VPS33A: variants seen among roughly 807,000 people sequenced by gnomAD.
VPS33A encodes the protein VPS33A core subunit of CORVET and HOPS complexes.
VPS33A carries 32 observed loss-of-function variants against 71.8 expected under a neutral mutation model. The observed-to-expected ratio is 0.45, with a 90% CI of 0.34 to 0.60. VPS33A has a LOEUF of 0.60. Among genes scored for constraint, VPS33A ranks in the 20% least tolerant of loss-of-function variants. The pLI is 0.02. For missense variants in VPS33A, 625 were observed against 748.5 expected, an observed-to-expected ratio of 0.84 and a Z score of 1.92; for synonymous variants, 311 against 292.7, an observed-to-expected ratio of 1.06 and a Z score of -0.64.
At chr12:122,263,848 A>C (rs997354996) in intron 2 of VPS33A, 149 bp from the exon 3 acceptor site, 8 of 1,041,928 alleles carry the variant, frequency 7.7e-6, no homozygotes, top group Non-Finnish European at 1.1e-5. Context: ...TACATAAAGG[A>C]CAAAGTTTCA....
At chr12:122,252,075 T>C (rs1047370821) in intron 4 of VPS33A, among the ~76,000 whole-genome samples, 2 of 151,716 alleles carry the variant, frequency 1.3e-5, no homozygotes, top group African/African-American at 4.8e-5. Context: ...CTGGGCAACA[T>C]AGTGAGACCC....
At chr12:122,262,842 G>T (rs867174017) in intron 3 of VPS33A, among the ~76,000 whole-genome samples, 26 of 151,826 alleles carry the variant, frequency 1.7e-4, no homozygotes, top group African/African-American at 5.3e-4. Flanking sequence ...TTTAATTTTT[G>T]GGGGGTACAT....
At position 122,232,849 on chromosome 12, in the gene VPS33A, C is replaced by T. The variant is rs1954581494; in HGVS notation, c.1560G>A (p.Gly520=). 6.2e-7 allele frequency: 1 copy of T among 1,614,032 alleles called. No individual in the cohort carries two copies. Among genetic ancestry groups the T allele is most frequent in the South Asian group, 1.1e-5 (1 of 91,086 alleles). ...SIEEVLRILP[G]PHFEERQPLP... ...GTGGCTGCCGCTCCTCAAAGTGGGG[C>T]CCTGGGAGGATGCGGAGGACCTCCT... The change falls in exon 12 of 13, where the codon GGG becomes GGA. Residue 520 remains glycine, a synonymous_variant. Coordinates refer to ENST00000267199, the MANE Select transcript of VPS33A (RefSeq NM_022916.6).
At chr12:122,254,323 A>T (rs1417100593) in intron 4 of VPS33A, among the ~76,000 whole-genome samples, 2 of 152,018 alleles carry the variant, frequency 1.3e-5, no homozygotes, top group Non-Finnish European at 2.9e-5. Flanking sequence ...CTTAGGTCGA[A>T]GCTCTTAGCT....
intron 8 of VPS33A, 146 bp downstream of exon 8, chr12:122,242,236 A>G: frequency 9.9e-7 from 1 of 1,010,848 alleles, no homozygotes; most frequent in Non-Finnish European, 1.4e-6. Flanking sequence ...TAACATATGT[A>G]TACTTCATTA....
intron 1 of VPS33A, chr12:122,265,831 T>C (rs952773192): frequency 2.5e-6 from 1 of 399,668 alleles, no homozygotes; most frequent in African/African-American, 2.1e-5. Context: ...GAAGTTATAC[T>C]GTTTTAGGAG....
intron 4 of VPS33A, among the ~76,000 whole-genome samples, chr12:122,259,979 G>A (rs557092282): frequency 1.2e-4 from 18 of 152,120 alleles, no homozygotes; most frequent in Admixed American, 2.0e-4. Context: ...GGAGGTCAAG[G>A]CTGCAGTGAG....
intron 4 of VPS33A, among the ~76,000 whole-genome samples, chr12:122,252,292 G>GAGGT (rs1322157881): frequency 6.6e-6 from 1 of 150,926 alleles, no homozygotes; most frequent in African/African-American, 2.4e-5. Context: ...TTTTTGAGAT[G>GAGGT]GAGTCTCGCT....
chr12:122,233,311 C>G (rs1227752417), intron 11 of VPS33A, among the ~76,000 whole-genome samples: 1 of 151,986 alleles, frequency 6.6e-6, no homozygotes, highest in African/African-American at 2.4e-5. Context: ...CTGCAACCTC[C>G]GCCTCCCTAG....
At chr12:122,249,455 C>T (rs938528433) in intron 6 of VPS33A, 3 of 153,354 alleles carry the variant, frequency 2.0e-5, no homozygotes, top group African/African-American at 7.2e-5. Flanking sequence ...GAACACCTGA[C>T]CTCAAGTGAT....
At chr12:122,235,684 T>G (rs1477594027) in intron 11 of VPS33A, 102 bp downstream of exon 11, 10 of 1,435,354 alleles carry the variant, frequency 7.0e-6, no homozygotes, top group Non-Finnish European at 8.4e-6. Context: ...AGAAAATTGT[T>G]TTCAGAAAGC....
chr12:122,231,673 C>T lies in VPS33A; in HGVS notation c.*573G>A, dbSNP rs531462574. ...TACCCCCACCATCCTTAATGTATTT[C>T]CAGAGGTCTCTAATGAAGACCCTGA... On this transcript the variant is annotated 3_prime_UTR_variant, in exon 13 of 13. Transcript: ENST00000267199. 1 of 154,692 alleles carries T rather than the reference C, an allele frequency of 6.5e-6. No homozygotes were observed. Among genetic ancestry groups the T allele is most frequent in the South Asian group, 2.1e-4 (1 of 4,840 alleles). 9.6% of individuals were successfully genotyped at this position (154,692 alleles called of 1,614,324 possible).
chr12:122,253,303 C>T (rs1954869295), intron 4 of VPS33A: 1 of 152,100 alleles, frequency 6.6e-6, no homozygotes, highest in African/African-American at 2.4e-5. Flanking sequence ...GCCTGTAATC[C>T]CAGCACTTTG....
At chr12:122,264,073 A>T in intron 2 of VPS33A, 61 bp downstream of exon 2, 2 of 1,365,406 alleles carry the variant, frequency 1.5e-6, no homozygotes, top group Non-Finnish European at 2.0e-6. Flanking sequence ...ATAAAATCCT[A>T]TTGTAACTGC....
intron 7 of VPS33A, 152 bp from the exon 8 acceptor site, chr12:122,242,660 C>G: frequency 1.0e-6 from 1 of 1,002,018 alleles, no homozygotes; most frequent in Non-Finnish European, 1.4e-6. Flanking sequence ...TCAAGTGATT[C>G]TCATGCCTCA....
Position 122,251,114 on chromosome 12 carries a change from G to T in VPS33A, c.484-15C>A. Reference sequence around the variant, plus strand: ...AGGTAGCACTCCTGTGAGGGAAAAGGCCAATTATTGCCAGGCCATGGGGGC... The same window carrying T: ...AGGTAGCACTCCTGTGAGGGAAAAGTCCAATTATTGCCAGGCCATGGGGGC... On this transcript the variant is annotated splice_polypyrimidine_tract_variant and intron_variant, in intron 4 of 12. Transcript: ENST00000267199. 1 of 1,592,644 alleles carries T rather than the reference G, an allele frequency of 6.3e-7. No homozygotes were observed. The highest frequency in any genetic ancestry group is 8.6e-7 in the Non-Finnish European group (1 of 1,161,382).
At chr12:122,254,240 T>G (rs1954884549) in intron 4 of VPS33A, among the ~76,000 whole-genome samples, 1 of 152,098 alleles carries the variant, frequency 6.6e-6, no homozygotes, top group Non-Finnish European at 1.5e-5. Context: ...TAGATGTACC[T>G]CCTGAAGCCA....
At position 122,235,855 on chromosome 12, in the gene VPS33A, C is replaced by G; in HGVS notation, c.1371G>C (p.Thr457=). The part of the protein sequence containing the change: ...LEKAGLLKPQ[T]GGRNNYPTIR... ...TAGTTGGGTAATTGTTTCTGCCCCCCGTCTGCGGTTTCAGCAGGCCGGCCT... is the reference window on the plus strand; with the variant it reads ...TAGTTGGGTAATTGTTTCTGCCCCCGGTCTGCGGTTTCAGCAGGCCGGCCT... The change falls in exon 11 of 13, where the codon ACG becomes ACC. Residue 457 remains threonine (T), a synonymous_variant. Transcript: ENST00000267199. The G allele has an allele frequency of 1.2e-6, 2 of 1,613,690 alleles. No individual in the cohort carries two copies. The highest frequency in any genetic ancestry group is 1.7e-4 in the Middle Eastern group (1 of 6,060).
chr12:122,238,683 C>T lies in VPS33A; in HGVS notation c.1206G>A (p.Ser402=), dbSNP rs764889120. The change falls in exon 10 of 13, where the codon TCG becomes TCA. Residue 402 remains serine, a synonymous_variant. Coordinates refer to ENST00000267199, the MANE Select transcript of VPS33A (RefSeq NM_022916.6). ...AAACTAGTCTTAACACCTTGATCAA[C>T]GAGTGCTTTTGGGCGATACAATCCT... ...YIEDCIAQKH[S]LIKVLRLVCL... is the part of the protein sequence containing the mutation. 23 of 1,611,630 alleles carry T rather than the reference C, an allele frequency of 1.4e-5. No homozygotes were observed. The highest frequency in any genetic ancestry group is 8.4e-5 in the Admixed American group (5 of 59,766).
Sources: gnomAD v4.1 joint callset for allele counts (sites outside exome capture counted in the v4.1 genomes callset) on GRCh38, gnomAD v4.1.1 for gene constraint, MANE v1.5 for transcripts, NCBI Gene and HGNC (gene_info 2026-07-23, HGNC 2026-07-21) for gene names.